PPP2R2B: variants seen among roughly 807,000 people sequenced by gnomAD.
PPP2R2B encodes the protein protein phosphatase 2 regulatory subunit Bbeta, also known as serine/threonine-protein phosphatase 2A 55 kDa regulatory subunit B beta isoform.
Under a neutral mutation model 46.0 loss-of-function variants are expected in PPP2R2B, and 5 were observed. The ratio of observed to expected loss-of-function variants is 0.11; its 90% confidence interval spans 0.06 to 0.23. The LOEUF (loss-of-function observed/expected upper bound fraction) is 0.23, where lower values mean the gene tolerates loss of function less well. Ranked by LOEUF, PPP2R2B falls within the 10% of genes least tolerant of loss-of-function variation. PPP2R2B has a pLI of 1.00. For missense variants in PPP2R2B, 367 were observed against 575.0 expected (o/e 0.64, Z 3.70); for synonymous variants, 215 against 206.7 (o/e 1.04, Z -0.34).
intron 2 of PPP2R2B, among the ~76,000 whole-genome samples, chr5:146,842,001 C>A (rs1363343701): frequency 6.6e-6 from 1 of 152,126 alleles, no homozygotes; most frequent in Non-Finnish European, 1.5e-5. Context: ...TTAGACTGGG[C>A]AAACTTCAGA....
chr5:146,844,353 TA>T (rs541590190), intron 2 of PPP2R2B, among the ~76,000 whole-genome samples: 8,849 of 136,266 alleles, frequency 0.065, 372 homozygotes, highest in African/African-American at 0.13. Context: ...TAGAGTATAA[TA>T]AAAAAAAAAA....
chr5:146,617,673 T>TCTCATA, intron 7 of PPP2R2B, among the ~76,000 whole-genome samples: 1 of 150,330 alleles, frequency 6.7e-6, no homozygotes, highest in African/African-American at 2.5e-5. Flanking sequence ...GGCTGGGGCT[T>TCTCATA]CCTCTCATCT....
At chr5:146,897,130 C>T (rs557927866) in intron 1 of PPP2R2B, among the ~76,000 whole-genome samples, 3 of 152,266 alleles carry the variant, frequency 2.0e-5, no homozygotes, top group Admixed American at 6.5e-5. Flanking sequence ...CGATGCATTT[C>T]ATGTGTTTCT....
Position 146,585,359 on chromosome 5 carries a change from A to T in PPP2R2B, c.*4588T>A, listed in dbSNP as rs1770101063. ...TTAACTAAAACTGCCTGGCTTTGTC[A>T]CTTGTGAACTGTGTAAATTTGGTTG... On this transcript the variant is annotated 3_prime_UTR_variant, in exon 10 of 10. Coordinates refer to ENST00000394411, the MANE Select transcript of PPP2R2B (RefSeq NM_181675.4). 1.3e-5 allele frequency: 2 copies of T among 151,232 alleles called. No homozygotes were observed. Among genetic ancestry groups the T allele is most frequent in the South Asian group, 2.1e-4 (1 of 4,792 alleles). The allele number at this position is 151,232 out of a possible 1,614,324, so 9.4% of individuals were successfully genotyped here. A position where few individuals can be genotyped will look rare whatever the true frequency, so the allele number is the denominator to read the frequency against.
rs190068954 is a variant in PPP2R2B at position 146,909,932 on chromosome 5, T to C, written c.79+145733A>G. Among the ~76,000 whole-genome samples, 82 of 152,382 alleles carry C rather than the reference T, an allele frequency of 5.4e-4. 1 individual carries two copies. Among genetic ancestry groups the C allele is most frequent in the African/African-American group, 2.0e-3 (82 of 41,586 alleles). The stretch of plus-strand genomic sequence containing the variant: ...GGCTAATTTCTTTAGCAGTTTCATA[T>C]CTGATTGACATCCATTTATCTAATT... On this transcript the variant is annotated intron_variant, in intron 1 of 8. Transcript: ENST00000336640.
At chr5:146,800,929 C>T (rs1008551553) in intron 2 of PPP2R2B, among the ~76,000 whole-genome samples, 1 of 151,990 alleles carries the variant, frequency 6.6e-6, no homozygotes, top group Non-Finnish European at 1.5e-5. Flanking sequence ...CACACACACA[C>T]ACACACACAC....
intron 1 of PPP2R2B, among the ~76,000 whole-genome samples, chr5:146,907,497 A>C (rs943669283): frequency 2.0e-5 from 3 of 152,174 alleles, no homozygotes; most frequent in Non-Finnish European, 2.9e-5. Flanking sequence ...AGAAGGGCAA[A>C]GTCTACAACA....
chr5:146,604,904 C>T (rs1772120325), intron 7 of PPP2R2B, among the ~76,000 whole-genome samples: 1 of 152,138 alleles, frequency 6.6e-6, no homozygotes, highest in Admixed American at 6.5e-5. Flanking sequence ...ACCAGGATTC[C>T]TCACATTCTA....
chr5:147,023,157 A>G (rs1016601273), intron 1 of PPP2R2B, among the ~76,000 whole-genome samples: 3 of 152,228 alleles, frequency 2.0e-5, no homozygotes, highest in Admixed American at 2.0e-4. Flanking sequence ...AATAACAATC[A>G]GAAAGGGAAA....
At chr5:147,062,996 G>A (rs6580451) in intron 2 of PPP2R2B, among the ~76,000 whole-genome samples, 38,339 of 64,590 alleles carry the variant, frequency 0.59, 11,067 homozygotes, top group Middle Eastern at 0.76. Context: ...GGGAGGGAGG[G>A]AGGGGGGAAG....
intron 7 of PPP2R2B, among the ~76,000 whole-genome samples, chr5:146,618,958 G>A (rs1773444500): frequency 6.6e-6 from 1 of 152,168 alleles, no homozygotes; most frequent in Non-Finnish European, 1.5e-5. Context: ...GACATCTACA[G>A]TGACTCTGTG....
intron 2 of PPP2R2B, among the ~76,000 whole-genome samples, chr5:146,738,415 A>G (rs1045591124): frequency 1.4e-5 from 2 of 145,880 alleles, no homozygotes; most frequent in African/African-American, 5.2e-5. Context: ...AAAAAAAAAA[A>G]AATCTTAGCT....
chr5:146,932,751 T>C (rs1033329907), intron 1 of PPP2R2B, among the ~76,000 whole-genome samples: 2 of 152,192 alleles, frequency 1.3e-5, no homozygotes, highest in Admixed American at 1.3e-4. Context: ...AATCTTCTCC[T>C]AGCTTTCTTC....
chr5:146,807,776 C>CTTTTTTTTTTTTT lies in PPP2R2B; in HGVS notation c.70+70213_70+70225dup, dbSNP rs10583721. Among the ~76,000 whole-genome samples, 63 of 36,930 alleles carry CTTTTTTTTTTTTT rather than the reference C, an allele frequency of 1.7e-3. 12 individuals carry two copies. Among genetic ancestry groups the CTTTTTTTTTTTTT allele is most frequent in the Non-Finnish European group, 2.2e-3 (40 of 18,068 alleles). 24.2% of individuals were successfully genotyped at this position (36,930 alleles called of 152,430 possible). A position where few individuals can be genotyped will look rare whatever the true frequency, so the allele number is the denominator to read the frequency against. On this transcript the variant is annotated intron_variant, in intron 2 of 9. Transcript: ENST00000394411. The stretch of plus-strand genomic sequence containing the variant: ...TTGGTTAAACCTCCTGGGGTGCCTT[C>CTTTTTTTTTTTTT]TTTTTTTTTTTTTTTTTTTTTTTTT...
intron 7 of PPP2R2B, among the ~76,000 whole-genome samples, chr5:146,615,515 T>TAAAAAAAAA (rs1364774106): frequency 1.4e-5 from 1 of 71,034 alleles, no homozygotes. Context: ...AAAAAAAAAT[T>TAAAAAAAAA]AAAAAAAAAA....
chr5:146,864,034 T>C (rs1442378418), intron 2 of PPP2R2B, among the ~76,000 whole-genome samples: 1 of 152,186 alleles, frequency 6.6e-6, no homozygotes, highest in East Asian at 1.9e-4. Context: ...ATTCCTATCA[T>C]CTAGAAACAT....
chr5:146,985,017 CTTTTTTTTTTTTTTT>C (rs34277498), intron 1 of PPP2R2B, among the ~76,000 whole-genome samples: 1 of 99,492 alleles, frequency 1.0e-5, no homozygotes, highest in African/African-American at 3.6e-5. Flanking sequence ...TTTTCTTTTT[CTTTTTTTTTTTTTTT>C]TTTTTTGAGA....
intron 2 of PPP2R2B, among the ~76,000 whole-genome samples, chr5:146,727,142 C>CA (rs1056011499): frequency 2.1e-4 from 31 of 151,208 alleles, no homozygotes; most frequent in Admixed American, 6.6e-4. Context: ...TTTGATTCCA[C>CA]AAAAAACAGT....
rs950739111 is a variant in PPP2R2B, at chr5:146,843,551, C to A, written c.70+34451G>T. Among the ~76,000 whole-genome samples, 5 of 152,306 alleles carry A rather than the reference C, an allele frequency of 3.3e-5. 1 individual carries two copies. The highest frequency in any genetic ancestry group is 1.2e-4 in the African/African-American group (5 of 41,572). On this transcript the variant is annotated intron_variant, in intron 2 of 9. Coordinates refer to ENST00000394411, the MANE Select transcript of PPP2R2B (RefSeq NM_181675.4). ...ATTAGAATAGTCACAGGTGTTCTCT[C>A]ACACCAGAGAAAAAAGTACAAATTA...
Sources: gnomAD v4.1 joint callset for allele counts (sites outside exome capture counted in the v4.1 genomes callset) on GRCh38, gnomAD v4.1.1 for gene constraint, MANE v1.5 for transcripts, NCBI Gene and HGNC (gene_info 2026-07-23, HGNC 2026-07-21) for gene names.